STS: variants seen among roughly 807,000 people sequenced by gnomAD.
STS encodes the protein steryl-sulfatase.
In STS, 7 loss-of-function variants were observed where a neutral mutation model predicts 26.8. That is an observed-to-expected ratio of 0.26 (90% confidence interval 0.15 to 0.49). The LOEUF is 0.49. Among genes scored for constraint, STS ranks in the 20% least tolerant of loss-of-function variants. The pLI, the probability that STS is intolerant of heterozygous loss-of-function variation, is 0.98. For missense variants in STS, 434 were observed against 465.6 expected, an observed-to-expected ratio of 0.93 and a Z score of 0.63; for synonymous variants, 199 against 189.4, an observed-to-expected ratio of 1.05 and a Z score of -0.42.
At chrX:7,177,822 T>C (rs1933603065) in intron 1 of STS, among the ~76,000 whole-genome samples, 2 of 108,273 alleles carry the variant, frequency 1.8e-5, no homozygotes, top group South Asian at 8.0e-4. Flanking sequence ...TAAATATATA[T>C]ATATTTTTAA....
At chrX:7,305,335 C>T in intron 8 of STS, 152 bp downstream of exon 8, 3 of 697,540 alleles carry the variant, frequency 4.3e-6, no homozygotes, top group Non-Finnish European at 6.6e-6. Context: ...GCCAAAGTGA[C>T]CATTTCTGTT....
chrX:7,318,274 T>C (rs1361938143), intron 8 of STS, among the ~76,000 whole-genome samples: 1 of 111,291 alleles, frequency 9.0e-6, no homozygotes, highest in African/African-American at 3.3e-5. Context: ...ATGTGAGTGG[T>C]GCCCGGGAGA....
At chrX:7,175,884 A>G (rs1360593641) in intron 1 of STS, among the ~76,000 whole-genome samples, 1 of 110,781 alleles carries the variant, frequency 9.0e-6, no homozygotes, top group Non-Finnish European at 1.9e-5. Flanking sequence ...TCTTGAATTT[A>G]CCTCCACTCT....
At chrX:7,226,709 C>A (rs1266082221) in intron 2 of STS, among the ~76,000 whole-genome samples, 2 of 110,510 alleles carry the variant, frequency 1.8e-5, no homozygotes, top group Non-Finnish European at 3.8e-5. Flanking sequence ...GCCTGGGCAA[C>A]ATGGTAAGAC....
chrX:7,334,906 A>G (rs1927939525), intron 10 of STS, among the ~76,000 whole-genome samples: 1 of 112,421 alleles, frequency 8.9e-6, no homozygotes, highest in Non-Finnish European at 1.9e-5. Context: ...ATTAGCATAC[A>G]GGAACAAATG....
chrX:7,294,680 A>G (rs1434953046), intron 7 of STS, among the ~76,000 whole-genome samples: 3 of 112,047 alleles, frequency 2.7e-5, no homozygotes, highest in African/African-American at 9.7e-5. Flanking sequence ...TTTAAAGGCA[A>G]CAAAGCAAAA....
chrX:7,199,396 A>G (rs1270912036), intron 2 of STS, among the ~76,000 whole-genome samples: 1 of 112,185 alleles, frequency 8.9e-6, no homozygotes, highest in African/African-American at 3.2e-5. Flanking sequence ...CCTACTTTCT[A>G]TCTCTATTTT....
intron 2 of STS, among the ~76,000 whole-genome samples, chrX:7,199,269 A>C (rs1251213417): frequency 9.0e-6 from 1 of 111,640 alleles, no homozygotes; most frequent in Non-Finnish European, 1.9e-5. Flanking sequence ...AAATGTTGGA[A>C]GAGTAATGAA....
At chrX:7,177,846 C>G (rs1461642788) in intron 1 of STS, among the ~76,000 whole-genome samples, 1 of 110,221 alleles carries the variant, frequency 9.1e-6, no homozygotes, top group African/African-American at 3.3e-5. Flanking sequence ...CAAGGTCTCA[C>G]TCTGTTGCCC....
chrX:7,254,883 A>G (rs1923332742), intron 3 of STS, among the ~76,000 whole-genome samples: 1 of 111,641 alleles, frequency 9.0e-6, no homozygotes, highest in Non-Finnish European at 1.9e-5. Context: ...GCGCCGGCCC[A>G]GAACTTTCTT....
At chrX:7,271,206 T>A (rs1245885077) in intron 6 of STS, among the ~76,000 whole-genome samples, 3 of 110,862 alleles carry the variant, frequency 2.7e-5, no homozygotes, top group African/African-American at 9.8e-5. Context: ...TTCCTTAACT[T>A]TAAATCTAAA....
At chrX:7,270,482 G>A (rs1924214131) in intron 6 of STS, among the ~76,000 whole-genome samples, 2 of 111,815 alleles carry the variant, frequency 1.8e-5, no homozygotes, top group Admixed American at 9.5e-5. Flanking sequence ...CCCATGCACC[G>A]TTGATTTCAC....
chrX:7,194,981 A>G (rs1453427426), intron 2 of STS, among the ~76,000 whole-genome samples: 1 of 111,895 alleles, frequency 8.9e-6, no homozygotes, highest in East Asian at 2.8e-4. Context: ...TTGTAACACA[A>G]TGGTAATTAT....
intron 2 of STS, among the ~76,000 whole-genome samples, chrX:7,246,084 A>C (rs1368657308): frequency 8.9e-6 from 1 of 112,358 alleles, no homozygotes; most frequent in Non-Finnish European, 1.9e-5. Context: ...GTTGAACGCA[A>C]TGAAGAATTG....
intron 2 of STS, among the ~76,000 whole-genome samples, chrX:7,240,671 G>A (rs760148732): frequency 7.4e-5 from 8 of 107,627 alleles, no homozygotes; most frequent in Non-Finnish European, 1.5e-4. Flanking sequence ...CAAGGAACAA[G>A]GCTGAAGTCA....
intron 2 of STS, among the ~76,000 whole-genome samples, chrX:7,203,867 C>T (rs767938007): frequency 1.3e-4 from 15 of 111,454 alleles, no homozygotes; most frequent in Non-Finnish European, 2.3e-4. Context: ...TCATTGTAGC[C>T]TCAAACTTCT....
At chrX:7,259,318 G>GGATC in intron 5 of STS, 31 bp from the exon 6 acceptor site, 1 of 1,188,415 alleles carries the variant, frequency 8.4e-7, no homozygotes, top group Non-Finnish European at 1.1e-6. Flanking sequence ...TGTTTATTGG[G>GGATC]ACTGAAGTGA....
intron 8 of STS, among the ~76,000 whole-genome samples, chrX:7,316,040 G>A (rs1192349911): frequency 8.9e-6 from 1 of 111,912 alleles, no homozygotes; most frequent in Non-Finnish European, 1.9e-5. Context: ...AGCAGAGGAT[G>A]AGCTGTTGAC....
intron 2 of STS, among the ~76,000 whole-genome samples, chrX:7,209,322 A>G (rs1274078659): frequency 9.2e-6 from 1 of 109,276 alleles, no homozygotes; most frequent in Non-Finnish European, 1.9e-5. Flanking sequence ...AAAGATTAAT[A>G]CCACAGATTT....
Sources: gnomAD v4.1 joint callset for allele counts (sites outside exome capture counted in the v4.1 genomes callset) on GRCh38, gnomAD v4.1.1 for gene constraint, MANE v1.5 for transcripts, NCBI Gene and HGNC (gene_info 2026-07-23, HGNC 2026-07-21) for gene names.